The following NPAS2 variants were observed in gnomAD, a reference collection of about 807,000 sequenced individuals.
NPAS2 encodes neuronal PAS domain protein 2, also known as neuronal PAS domain-containing protein 2.
NPAS2 carries 23 observed loss-of-function variants against 107.5 expected under a neutral mutation model. That is an observed-to-expected ratio of 0.21 (90% CI 0.15 to 0.30). NPAS2 has a LOEUF of 0.30. Ranked by LOEUF, NPAS2 falls within the 10% of genes least tolerant of loss-of-function variation. NPAS2 has a pLI of 1.00. For missense variants in NPAS2, 756 were observed against 1,043.3 expected (o/e 0.72, Z 3.79); for synonymous variants, 403 against 417.5 (o/e 0.97, Z 0.42).
At chr2:100,927,621 CATG>C (rs1683667527) in intron 3 of NPAS2, among the ~76,000 whole-genome samples, 1 of 152,212 alleles carries the variant, frequency 6.6e-6, no homozygotes, top group South Asian at 2.1e-4. Context: ...GAATTATACA[CATG>C]ATGTTTATGA....
chr2:100,969,477 G>A (rs1361356295), intron 11 of NPAS2, among the ~76,000 whole-genome samples: 1 of 152,142 alleles, frequency 6.6e-6, no homozygotes, highest in Non-Finnish European at 1.5e-5. Context: ...TCCTGTGTTA[G>A]TTTGCTGAGG....
chr2:100,977,811 A>C lies in NPAS2; in HGVS notation c.1482+12A>C. 3.7e-6 allele frequency: 6 copies of C among 1,612,502 alleles called. No individual in the cohort carries two copies. Among genetic ancestry groups the C allele is most frequent in the Non-Finnish European group, 5.1e-6 (6 of 1,178,874 alleles). Reference sequence around the variant, plus strand: ...CTCCCATGGCACAGGTGAGTCTGGGACCCAGGAAAGGGCAGCCCCTCTCAA... The same window carrying C: ...CTCCCATGGCACAGGTGAGTCTGGGCCCCAGGAAAGGGCAGCCCCTCTCAA... On this transcript the variant is annotated intron_variant, in intron 15 of 20. Transcript: ENST00000335681.
intron 1 of NPAS2, among the ~76,000 whole-genome samples, chr2:100,884,038 T>G (rs61582454): frequency 0.068 from 10,293 of 152,248 alleles, 752 homozygotes; most frequent in East Asian, 0.35. Flanking sequence ...CCTGTCTTCA[T>G]GTCCTGTCCC....
chr2:100,977,907 G>A (rs1269037869), intron 15 of NPAS2, 108 bp downstream of exon 15: 12 of 907,304 alleles, frequency 1.3e-5, no homozygotes, highest in African/African-American at 3.3e-5. Context: ...CTGACGTGGG[G>A]GAATGTCCCT....
chr2:100,879,122 G>GA (rs1339247169), intron 1 of NPAS2, among the ~76,000 whole-genome samples: 163 of 106,528 alleles, frequency 1.5e-3, no homozygotes, highest in Middle Eastern at 4.9e-3. Flanking sequence ...CAAAAAAAAA[G>GA]AAAAAAAAAA....
At position 100,971,067 on chromosome 2, in the gene NPAS2, C is replaced by T. The variant is rs1382222616; in HGVS notation, c.1133C>T (p.Ala378Val). ...CCATCCGAGGCCCTCCACTCCTCAGCACTAAAGGTACGCCCATCCCTGCCA... is the reference window on the plus strand; with the variant it reads ...CCATCCGAGGCCCTCCACTCCTCAGTACTAAAGGTACGCCCATCCCTGCCA... ...DPPSEALHSS[A>V]LKDKGSSLEP... Residue 378 changes from alanine (A) to valine (V), a missense_variant, in exon 12 of 21, where the codon GCA becomes GTA. Ala to Val is a moderately conservative substitution (Grantham distance 64). Transcript: ENST00000335681. The T allele has an allele frequency of 1.2e-6, 2 of 1,614,076 alleles. No homozygotes were observed. Among genetic ancestry groups the T allele is most frequent in the African/African-American group, 1.3e-5 (1 of 75,042 alleles).
intron 16 of NPAS2, chr2:100,986,080 A>G (rs150364533): frequency 1.3e-5 from 2 of 152,366 alleles, no homozygotes; most frequent in Admixed American, 6.5e-5. Context: ...CTGGGATTGC[A>G]TGAAACATGA....
intron 1 of NPAS2, among the ~76,000 whole-genome samples, chr2:100,865,973 G>A (rs1424478916): frequency 6.6e-6 from 1 of 152,190 alleles, no homozygotes; most frequent in Non-Finnish European, 1.5e-5. Flanking sequence ...ACGCCAGCCT[G>A]GACCCAACCC....
intron 20 of NPAS2, 109 bp from the exon 21 acceptor site, chr2:100,995,291 C>T (rs529033605): frequency 1.1e-6 from 1 of 931,602 alleles, no homozygotes; most frequent in South Asian, 2.1e-5. Context: ...CCAAGAAAGA[C>T]AGCCCTGTAG....
chr2:100,832,673 A>G (rs929988185), intron 1 of NPAS2, among the ~76,000 whole-genome samples: 5 of 152,048 alleles, frequency 3.3e-5, no homozygotes, highest in African/African-American at 1.2e-4. Flanking sequence ...TGGTCTGCTT[A>G]AGAGACCTGG....
chr2:100,868,024 A>G (rs1679359405), intron 1 of NPAS2, among the ~76,000 whole-genome samples: 1 of 152,180 alleles, frequency 6.6e-6, no homozygotes, highest in African/African-American at 2.4e-5. Flanking sequence ...CCAAATATGA[A>G]GACCTTAGAA....
intron 3 of NPAS2, among the ~76,000 whole-genome samples, chr2:100,930,860 T>G (rs752414322): frequency 6.6e-6 from 1 of 152,236 alleles, no homozygotes; most frequent in Non-Finnish European, 1.5e-5. Flanking sequence ...ATAAAGACTC[T>G]TCTGCTAGAA....
chr2:100,821,808 C>T (rs958413216), intron 1 of NPAS2, among the ~76,000 whole-genome samples: 3 of 152,172 alleles, frequency 2.0e-5, no homozygotes, highest in African/African-American at 4.8e-5. Flanking sequence ...CCAAAAATAA[C>T]CCCCAAATAA....
chr2:100,823,235 T>C (rs1676179694), intron 1 of NPAS2, among the ~76,000 whole-genome samples: 1 of 152,242 alleles, frequency 6.6e-6, no homozygotes, highest in African/African-American at 2.4e-5. Context: ...TAAATAAACA[T>C]GTATTAAATA....
At chr2:100,990,543 C>T in intron 18 of NPAS2, 97 bp downstream of exon 18, 1 of 1,346,870 alleles carries the variant, frequency 7.4e-7, no homozygotes. Flanking sequence ...AGAGTTCAGA[C>T]AGATTCTAAA....
At chr2:100,925,037 A>G in intron 2 of NPAS2, 109 bp from the exon 3 acceptor site, 3 of 1,157,094 alleles carry the variant, frequency 2.6e-6, no homozygotes, top group Non-Finnish European at 2.4e-6. Flanking sequence ...GTTTTTTGAT[A>G]AGATAGATGA....
At chr2:100,912,722 C>G (rs115083437) in intron 2 of NPAS2, among the ~76,000 whole-genome samples, 6 of 152,166 alleles carry the variant, frequency 3.9e-5, no homozygotes, top group Admixed American at 2.0e-4. Flanking sequence ...CATTCAAGGG[C>G]GAATGTCACG....
chr2:100,940,845 A>G (rs1372097179), intron 5 of NPAS2, among the ~76,000 whole-genome samples: 2 of 152,212 alleles, frequency 1.3e-5, no homozygotes, highest in African/African-American at 4.8e-5. Flanking sequence ...TGTGGGGCTC[A>G]GAAAGGGAGA....
At chr2:100,866,303 G>C (rs553116229) in intron 1 of NPAS2, among the ~76,000 whole-genome samples, 6 of 152,336 alleles carry the variant, frequency 3.9e-5, no homozygotes, top group African/African-American at 1.4e-4. Flanking sequence ...TTTGTTGACT[G>C]TGTGATTTTA....
Sources: allele counts gnomAD v4.1 joint callset (sites outside exome capture counted in the v4.1 genomes callset), GRCh38; gene constraint gnomAD v4.1.1; transcripts MANE v1.5; gene names NCBI Gene and HGNC (gene_info 2026-07-23, HGNC 2026-07-21).